The following CDH18 variants were observed in gnomAD, a reference collection of about 807,000 sequenced individuals.
CDH18 encodes the protein cadherin-18.
CDH18 carries 31 observed loss-of-function variants against 67.9 expected under a neutral mutation model. The ratio of observed to expected loss-of-function variants is 0.46; its 90% confidence interval spans 0.34 to 0.62. The LOEUF (loss-of-function observed/expected upper bound fraction) is 0.62, where lower values mean the gene tolerates loss of function less well. CDH18 is among the 20% of genes least tolerant of loss of function. The pLI, the probability that CDH18 is intolerant of heterozygous loss-of-function variation, is 0.01. For missense variants in CDH18, 890 were observed against 975.5 expected (o/e 0.91, Z 1.17); for synonymous variants, 362 against 347.2 (o/e 1.04, Z -0.48).
At chr5:19,776,535 C>T (rs1048067803) in intron 3 of CDH18, among the ~76,000 whole-genome samples, 1 of 152,016 alleles carries the variant, frequency 6.6e-6, no homozygotes, top group African/African-American at 2.4e-5. Context: ...TAAATTCATA[C>T]AGGGAGCAAT....
At chr5:19,663,313 A>G (rs1439315704) in intron 5 of CDH18, among the ~76,000 whole-genome samples, 1 of 151,876 alleles carries the variant, frequency 6.6e-6, no homozygotes, top group Non-Finnish European at 1.5e-5. Context: ...CCAATATATA[A>G]AACCTATACT....
rs73060635 is a variant in CDH18, at chr5:20,462,234, A to G, written c.-580+113228T>C. ...TGCAACAAGGATGGAGCCAGAAGTC[A>G]CTGTGTTAAATGAAATAAGCCAGGC... is the stretch of plus-strand genomic sequence containing the variant. On this transcript the variant is annotated intron_variant, in intron 1 of 14. Transcript: ENST00000507958. Among the ~76,000 whole-genome samples the G allele has an allele frequency of 6.1e-3, 933 of 152,310 alleles. 9 individuals carry two copies. The highest frequency in any genetic ancestry group is 0.022 in the African/African-American group (896 of 41,566).
At chr5:20,050,394 A>T (rs942170101) in intron 2 of CDH18, among the ~76,000 whole-genome samples, 4 of 151,832 alleles carry the variant, frequency 2.6e-5, no homozygotes, top group Admixed American at 2.6e-4. Flanking sequence ...TCCCAATTAT[A>T]GACATGCCCT....
chr5:20,556,789 G>A (rs1757931061), intron 1 of CDH18, among the ~76,000 whole-genome samples: 1 of 152,214 alleles, frequency 6.6e-6, no homozygotes, highest in South Asian at 2.1e-4. Flanking sequence ...AAGAATGAAG[G>A]ATTAATATCA....
chr5:19,639,730 C>T (rs192720661), intron 5 of CDH18, among the ~76,000 whole-genome samples: 2 of 152,362 alleles, frequency 1.3e-5, no homozygotes, highest in East Asian at 3.9e-4. Context: ...CAGACACATG[C>T]CCCTTGCGTG....
At chr5:20,500,369 T>TA (rs1754185230) in intron 1 of CDH18, among the ~76,000 whole-genome samples, 2 of 152,186 alleles carry the variant, frequency 1.3e-5, no homozygotes, top group Admixed American at 1.3e-4. Context: ...CACATCCTTC[T>TA]AACAAATGCT....
intron 12 of CDH18, 107 bp from the exon 13 acceptor site, chr5:19,473,823 C>A (rs1737987966): frequency 2.2e-6 from 2 of 927,514 alleles, no homozygotes; most frequent in Admixed American, 2.2e-5. Flanking sequence ...TAACCACATT[C>A]CAGAGTTAGG....
intron 1 of CDH18, among the ~76,000 whole-genome samples, chr5:20,545,083 C>T (rs772529241): frequency 5.9e-5 from 9 of 152,290 alleles, no homozygotes; most frequent in South Asian, 2.1e-4. Context: ...GTCATTAAAT[C>T]TTAAAGTTCA....
intron 2 of CDH18, among the ~76,000 whole-genome samples, chr5:20,030,292 A>G (rs1238738852): frequency 6.6e-6 from 1 of 152,160 alleles, no homozygotes; most frequent in Non-Finnish European, 1.5e-5. Context: ...TTTATAGAGA[A>G]AAAAATCAAA....
intron 2 of CDH18, among the ~76,000 whole-genome samples, chr5:20,001,509 C>T (rs922838359): frequency 2.0e-5 from 3 of 152,010 alleles, no homozygotes; most frequent in Non-Finnish European, 4.4e-5. Flanking sequence ...ACAGAACAAG[C>T]TAAAAAGAGA....
chr5:19,724,823 G>C (rs1581070653), intron 4 of CDH18, among the ~76,000 whole-genome samples: 1 of 152,074 alleles, frequency 6.6e-6, no homozygotes, highest in East Asian at 1.9e-4. Context: ...AACCTTTCTG[G>C]CTTGATTAAA....
At chr5:19,924,666 T>C (rs114235475) in intron 2 of CDH18, among the ~76,000 whole-genome samples, 6,600 of 152,092 alleles carry the variant, frequency 0.043, 466 homozygotes, top group African/African-American at 0.15. Context: ...AATAGGACTT[T>C]AAATTTTGAC....
chr5:19,958,379 C>CAAAAAAAAAAAAAA (rs57913629), intron 2 of CDH18, among the ~76,000 whole-genome samples: 1 of 66,632 alleles, frequency 1.5e-5, no homozygotes, highest in Non-Finnish European at 2.9e-5. Context: ...TTTCCTTCAC[C>CAAAAAAAAAAAAAA]AAAAAAAAAA....
chr5:19,827,554 C>T (rs1780534681), intron 3 of CDH18, among the ~76,000 whole-genome samples: 1 of 151,972 alleles, frequency 6.6e-6, no homozygotes, highest in Non-Finnish European at 1.5e-5. Flanking sequence ...TGGACCATTG[C>T]ACAATAAAAA....
chr5:19,795,258 T>G (rs559362134), intron 3 of CDH18, among the ~76,000 whole-genome samples: 1 of 151,984 alleles, frequency 6.6e-6, no homozygotes, highest in Non-Finnish European at 1.5e-5. Context: ...CTGGAAAGAG[T>G]TGACAACAGT....
intron 2 of CDH18, among the ~76,000 whole-genome samples, chr5:19,994,048 G>C (rs1284290243): frequency 2.0e-5 from 3 of 152,072 alleles, no homozygotes; most frequent in Non-Finnish European, 4.4e-5. Flanking sequence ...CTTTCTGAGA[G>C]GAGGTATTCT....
chr5:19,744,118 CA>C (rs1769634398), intron 4 of CDH18, among the ~76,000 whole-genome samples: 2 of 151,962 alleles, frequency 1.3e-5, no homozygotes. Flanking sequence ...TATATATACA[CA>C]CACACAAACT....
At chr5:20,503,567 G>A (rs987182766) in intron 1 of CDH18, among the ~76,000 whole-genome samples, 3 of 152,030 alleles carry the variant, frequency 2.0e-5, no homozygotes, top group Non-Finnish European at 4.4e-5. Context: ...AGAAATTATG[G>A]TCAGCAATCT....
At chr5:20,505,694 T>A (rs770941272) in intron 1 of CDH18, among the ~76,000 whole-genome samples, 1 of 152,216 alleles carries the variant, frequency 6.6e-6, no homozygotes, top group Non-Finnish European at 1.5e-5. Flanking sequence ...ATATTTGAAA[T>A]CTAAGGTCAC....
Sources: allele counts gnomAD v4.1 joint callset (sites outside exome capture counted in the v4.1 genomes callset), GRCh38; gene constraint gnomAD v4.1.1; transcripts MANE v1.5; gene names NCBI Gene and HGNC (gene_info 2026-07-23, HGNC 2026-07-21).